Variants in RCAN2 observed in about 807,000 individuals in gnomAD.
The protein encoded by RCAN2 is calcipressin-2.
RCAN2 carries 9 observed loss-of-function variants against 23.6 expected under a neutral mutation model. The observed-to-expected ratio is 0.38, with a 90% CI of 0.23 to 0.67. The LOEUF is 0.67. RCAN2 is among the 30% of genes least tolerant of loss of function. The pLI is 0.51. For synonymous variants in RCAN2, 109 were observed against 115.7 expected (o/e 0.94, Z 0.37); for missense variants, 273 against 302.3 (o/e 0.90, Z 0.72).
Position 46,468,809 on chromosome 6 carries a change from G to T in RCAN2, c.-2-11831C>A, listed in dbSNP as rs756848238. 49 of 985,024 alleles carry T rather than the reference G, an allele frequency of 5.0e-5. 1 individual carries two copies. Among genetic ancestry groups the T allele is most frequent in the Non-Finnish European group, 5.2e-5 (43 of 829,788 alleles). 61.0% of individuals were successfully genotyped at this position (985,024 alleles called of 1,614,324 possible). On this transcript the variant is annotated intron_variant, in intron 1 of 4. Transcript: ENST00000371374. ...CCAGAGCCTTGCTCACCTTTAATCA[G>T]CACTTTCTCAACTTGAGTGACTTCC...
chr6:46,228,025 C>A (rs80166814), intron 4 of RCAN2, among the ~76,000 whole-genome samples: 1 of 152,120 alleles, frequency 6.6e-6, no homozygotes, highest in African/African-American at 2.4e-5. Context: ...CCTTCATTTC[C>A]TTATGTACCC....
At chr6:46,299,006 A>G (rs1198448297) in intron 2 of RCAN2, among the ~76,000 whole-genome samples, 2 of 152,104 alleles carry the variant, frequency 1.3e-5, no homozygotes, top group African/African-American at 2.4e-5. Context: ...TCATATAAGA[A>G]TAGAAAACAA....
chr6:46,452,742 T>C (rs1767917628), intron 2 of RCAN2, among the ~76,000 whole-genome samples: 1 of 152,210 alleles, frequency 6.6e-6, no homozygotes, highest in Non-Finnish European at 1.5e-5. Context: ...GAAAAGGACC[T>C]GGCACCATGC....
chr6:46,303,241 G>A (rs1762962811), intron 2 of RCAN2, among the ~76,000 whole-genome samples: 3 of 151,844 alleles, frequency 2.0e-5, no homozygotes, highest in Non-Finnish European at 1.5e-5. Flanking sequence ...ACCAACACGA[G>A]ATGTATATCT....
chr6:46,270,246 G>T (rs1281098064), intron 2 of RCAN2, among the ~76,000 whole-genome samples: 2 of 152,126 alleles, frequency 1.3e-5, no homozygotes, highest in Non-Finnish European at 2.9e-5. Context: ...GGTAGAGCCT[G>T]CTGCAGGCAG....
At chr6:46,232,688 G>A (rs1239837841) in intron 4 of RCAN2, among the ~76,000 whole-genome samples, 1 of 150,998 alleles carries the variant, frequency 6.6e-6, no homozygotes. Flanking sequence ...AGCTACTGCG[G>A]AGGCTGAGGC....
chr6:46,338,420 G>A (rs1198919654), intron 2 of RCAN2, among the ~76,000 whole-genome samples: 1 of 152,150 alleles, frequency 6.6e-6, no homozygotes, highest in Non-Finnish European at 1.5e-5. Flanking sequence ...GGTCAAGCCC[G>A]AGTCACACAC....
chr6:46,391,258 TGGATG>T (rs1765927260), intron 2 of RCAN2, among the ~76,000 whole-genome samples: 1 of 152,168 alleles, frequency 6.6e-6, no homozygotes, highest in Non-Finnish European at 1.5e-5. Context: ...TGTAGGGACA[TGGATG>T]AAGCTGGAAA....
At chr6:46,289,414 T>C (rs1161481896) in intron 2 of RCAN2, among the ~76,000 whole-genome samples, 4 of 152,228 alleles carry the variant, frequency 2.6e-5, no homozygotes, top group African/African-American at 4.8e-5. Context: ...TTTTATACTG[T>C]AGACCCTATG....
chr6:46,385,993 A>G (rs182954872), intron 2 of RCAN2, among the ~76,000 whole-genome samples: 2 of 152,150 alleles, frequency 1.3e-5, no homozygotes, highest in African/African-American at 4.8e-5. Context: ...GCCAAAAGCA[A>G]TTGCAACACA....
chr6:46,278,793 G>A (rs1349213510), intron 2 of RCAN2, among the ~76,000 whole-genome samples: 3 of 152,048 alleles, frequency 2.0e-5, no homozygotes, highest in Non-Finnish European at 4.4e-5. Flanking sequence ...TTAGATTCGG[G>A]CAATACATCT....
At chr6:46,484,874 G>A (rs1188540861) in intron 1 of RCAN2, among the ~76,000 whole-genome samples, 1 of 152,080 alleles carries the variant, frequency 6.6e-6, no homozygotes, top group Non-Finnish European at 1.5e-5. Flanking sequence ...CCAGGGTAGG[G>A]GCTATCTCTG....
At chr6:46,326,727 A>G (rs914753917) in intron 2 of RCAN2, among the ~76,000 whole-genome samples, 31 of 152,334 alleles carry the variant, frequency 2.0e-4, no homozygotes, top group African/African-American at 7.2e-4. Flanking sequence ...TGGCCACTGG[A>G]ACATCCTGAT....
intron 2 of RCAN2, among the ~76,000 whole-genome samples, chr6:46,365,443 A>G (rs1765141737): frequency 6.6e-6 from 1 of 151,572 alleles, no homozygotes. Context: ...GCCATTGCAC[A>G]CTAGCCTGGG....
intron 1 of RCAN2, among the ~76,000 whole-genome samples, chr6:46,469,677 T>C (rs1422459797): frequency 6.6e-6 from 1 of 152,158 alleles, no homozygotes; most frequent in Admixed American, 6.5e-5. Flanking sequence ...CTTCTACTTG[T>C]CCAAAAGAGC....
intron 2 of RCAN2, among the ~76,000 whole-genome samples, chr6:46,440,968 C>A (rs1582204119): frequency 6.6e-6 from 1 of 152,274 alleles, no homozygotes; most frequent in East Asian, 1.9e-4. Context: ...TATAATTCTG[C>A]AAGGATCTGC....
chr6:46,445,660 TATA>T (rs1486053106), intron 2 of RCAN2, among the ~76,000 whole-genome samples: 8 of 152,062 alleles, frequency 5.3e-5, no homozygotes, highest in African/African-American at 1.9e-4. Context: ...CTCACAAAAA[TATA>T]ATAACATACA....
intron 2 of RCAN2, among the ~76,000 whole-genome samples, chr6:46,391,141 C>T (rs985034549): frequency 3.3e-5 from 5 of 152,198 alleles, no homozygotes; most frequent in African/African-American, 1.2e-4. Flanking sequence ...TGCCCTGTGC[C>T]TCAGTTTCCT....
At chr6:46,431,129 ATGTGTGTGTCTGTG>A (rs1561902888) in intron 2 of RCAN2, among the ~76,000 whole-genome samples, 1 of 151,614 alleles carries the variant, frequency 6.6e-6, no homozygotes, top group Non-Finnish European at 1.5e-5. Flanking sequence ...GTGTGCATGC[ATGTGTGTGTCTGTG>A]TGTGTGTGTG....
Sources: allele counts gnomAD v4.1 joint callset (sites outside exome capture counted in the v4.1 genomes callset), GRCh38; gene constraint gnomAD v4.1.1; transcripts MANE v1.5; gene names NCBI Gene and HGNC (gene_info 2026-07-23, HGNC 2026-07-21).